FBXO38: variants seen among roughly 807,000 people sequenced by gnomAD.
FBXO38 encodes the protein F-box protein 38, also known as F-box only protein 38.
Under a neutral mutation model 131.9 loss-of-function variants are expected in FBXO38, and 53 were observed. The ratio of observed to expected loss-of-function variants is 0.40; its 90% CI spans 0.32 to 0.51. The LOEUF is 0.51. Among genes scored for constraint, FBXO38 ranks in the 20% least tolerant of loss-of-function variants. The probability of loss-of-function intolerance (pLI) is 0.53; values close to 1 mark genes in which losing one functional copy is unlikely to be tolerated. For synonymous variants in FBXO38, 452 were observed against 505.6 expected (o/e 0.89, Z 1.42); for missense variants, 1,076 against 1,475.6 (o/e 0.73, Z 4.44).
intron 20 of FBXO38, among the ~76,000 whole-genome samples, 154 bp downstream of exon 20, chr5:148,440,681 G>A (rs1403898021): frequency 6.6e-6 from 1 of 152,114 alleles, no homozygotes; most frequent in Non-Finnish European, 1.5e-5. Context: ...CTCATTCACG[G>A]ATGAATGAAT....
In FBXO38 at chr5:148,425,432, T is replaced by G. The variant is rs1753657293; in HGVS notation, c.1739-90T>G. ...AGGCTGTATAGAGCCACAAAGCATCTCTGTTGATTCCAGATCCCTGGAAAC... is the reference window on the plus strand; with the variant it reads ...AGGCTGTATAGAGCCACAAAGCATCGCTGTTGATTCCAGATCCCTGGAAAC... On this transcript the variant is annotated intron_variant, in intron 13 of 21. Coordinates refer to ENST00000340253, the MANE Select transcript of FBXO38 (RefSeq NM_205836.3). 4 of 998,860 alleles carry G rather than the reference T, an allele frequency of 4.0e-6. No homozygotes were observed. The East Asian group carries it at 7.2e-5, about 18-fold the overall frequency. The allele number at this position is 998,860 out of a possible 1,614,324, so 61.9% of individuals were successfully genotyped here.
At chr5:148,410,408 G>T in intron 8 of FBXO38, 1 of 521,412 alleles carries the variant, frequency 1.9e-6, no homozygotes, top group Middle Eastern at 5.0e-4. Flanking sequence ...AATGTGACTT[G>T]CTGCCATCAG....
chr5:148,427,935 G>A lies in FBXO38; in HGVS notation c.2641G>A (p.Val881Ile), dbSNP rs1364280246. The change falls in exon 15 of 22, where the codon GTA (valine) becomes ATA (isoleucine). Residue 881 changes from valine (V) to isoleucine (I), a missense_variant. Physicochemically the swap from Val to Ile is conservative, Grantham distance 29 (BLOSUM62 3). Around this residue, in one of 8 missense-constraint regions of FBXO38, gnomAD observed 282 missense variants for 418.8 expected, o/e 0.67. Transcript: ENST00000340253. ...ARSRLSHVLL[V>I]SESEVAKTKP... The stretch of plus-strand genomic sequence containing the variant: ...GAGCAGACTGTCCCATGTACTGCTG[G>A]TATCTGAGTCAGGTATGACAATGCT... The A allele has an allele frequency of 2.0e-6, 3 of 1,512,362 alleles. No individual in the cohort carries two copies. The African/African-American group carries it at 4.2e-5, about 21-fold the overall frequency. 93.7% of individuals were successfully genotyped at this position (1,512,362 alleles called of 1,614,324 possible).
At chr5:148,420,114 G>T (rs1303656369) in intron 12 of FBXO38, among the ~76,000 whole-genome samples, 1 of 148,926 alleles carries the variant, frequency 6.7e-6, no homozygotes, top group Non-Finnish European at 1.5e-5. Flanking sequence ...AATGATTACA[G>T]TTTTTTTGTG....
chr5:148,394,994 A>G, intron 2 of FBXO38, 90 bp downstream of exon 2: 1 of 1,215,332 alleles, frequency 8.2e-7, no homozygotes, highest in Non-Finnish European at 1.1e-6. Flanking sequence ...TACCAGCTAC[A>G]TGCAGCATTT....
intron 12 of FBXO38, among the ~76,000 whole-genome samples, chr5:148,418,011 G>A (rs1012641502): frequency 3.9e-5 from 6 of 152,104 alleles, no homozygotes; most frequent in Non-Finnish European, 8.8e-5. Flanking sequence ...TCCTTTAGGG[G>A]CACTCTGAGT....
In FBXO38 at chr5:148,439,700, C is replaced by A; in HGVS notation, c.3078C>A (p.His1026Gln). Residue 1026 changes from histidine to glutamine, a missense_variant, in exon 19 of 22, where the codon CAC (histidine) becomes CAA (glutamine). Physicochemically the swap from His to Gln is conservative, Grantham distance 24 (BLOSUM62 0). Around this residue, in one of 8 missense-constraint regions of FBXO38, gnomAD observed 282 missense variants for 418.8 expected, o/e 0.67. Coordinates refer to ENST00000340253, the MANE Select transcript of FBXO38 (RefSeq NM_205836.3). ...QKLFSGPYPY[H>Q]ICIIHEFSNP... Reference sequence around the variant, plus strand: ...TATTTAGTGGTCCCTACCCCTATCACATCTGTATTATCCATGAATTCAGTA... The same window carrying A: ...TATTTAGTGGTCCCTACCCCTATCAAATCTGTATTATCCATGAATTCAGTA... The A allele has an allele frequency of 2.5e-6, 4 of 1,614,044 alleles. No individual in the cohort carries two copies. Among genetic ancestry groups the A allele is most frequent in the Non-Finnish European group, 3.4e-6 (4 of 1,179,924 alleles).
rs1407992248 is a variant in FBXO38, at chr5:148,427,273, C to T, written c.1979C>T (p.Ser660Leu). 1 of 1,614,110 alleles carries T rather than the reference C, an allele frequency of 6.2e-7. No individual in the cohort carries two copies. Among genetic ancestry groups the T allele is most frequent in the East Asian group, 2.2e-5 (1 of 44,876 alleles). ...TACAACTCCCATCAGATGGGCCAGT[C>T]GAAGCAGTTTCCCCTCGAGGAAAGC... ...KRYNSHQMGQ[S>L]KQFPLEESSC... Residue 660 changes from serine (S) to leucine (L), a missense_variant, in exon 15 of 22, where the codon TCG (serine) becomes TTG (leucine). Around this residue, in one of 8 missense-constraint regions of FBXO38, gnomAD observed 212 missense variants for 221.2 expected, o/e 0.96. Transcript: ENST00000340253.
chr5:148,433,045 G>A (rs1270659634), intron 15 of FBXO38, among the ~76,000 whole-genome samples: 2 of 152,200 alleles, frequency 1.3e-5, no homozygotes, highest in Non-Finnish European at 2.9e-5. Context: ...AGCTCCAAAT[G>A]TGAAGCATTG....
chr5:148,386,349 G>A (rs1249307172), intron 1 of FBXO38, among the ~76,000 whole-genome samples: 6 of 152,150 alleles, frequency 3.9e-5, no homozygotes, highest in Non-Finnish European at 5.9e-5. Flanking sequence ...TCTTGGGCAA[G>A]TGATTTGTCA....
chr5:148,440,726 T>C (rs750580301), intron 20 of FBXO38, among the ~76,000 whole-genome samples, 199 bp downstream of exon 20: 2 of 152,132 alleles, frequency 1.3e-5, no homozygotes, highest in Non-Finnish European at 2.9e-5. Context: ...TGGTTTGGGC[T>C]TACAGCAAGC....
chr5:148,428,800 T>A (rs1753869103), intron 15 of FBXO38, among the ~76,000 whole-genome samples: 2 of 152,130 alleles, frequency 1.3e-5, no homozygotes, highest in Middle Eastern at 3.2e-3. Context: ...TAAGCTTTCA[T>A]GAGATACATT....
chr5:148,430,429 G>A (rs1753977803), intron 15 of FBXO38: 1 of 151,666 alleles, frequency 6.6e-6, no homozygotes, highest in South Asian at 2.1e-4. Context: ...CTCCCGGGTT[G>A]ACACCATTCT....
chr5:148,408,460 A>T (rs1000334829), intron 7 of FBXO38, among the ~76,000 whole-genome samples: 1 of 152,256 alleles, frequency 6.6e-6, no homozygotes, highest in East Asian at 1.9e-4. Flanking sequence ...TCATCCCAAA[A>T]TGGAAAGATG....
chr5:148,404,462 C>T (rs1037900329), intron 5 of FBXO38, among the ~76,000 whole-genome samples: 1 of 152,122 alleles, frequency 6.6e-6, no homozygotes, highest in African/African-American at 2.4e-5. Context: ...TTCCCATTGG[C>T]CTTTCCTAAA....
chr5:148,427,191 G>A (rs560941376), intron 14 of FBXO38, 22 bp from the exon 15 acceptor site: 47 of 1,552,770 alleles, frequency 3.0e-5, no homozygotes, highest in African/African-American at 8.3e-5. Flanking sequence ...TCCTCGGGCC[G>A]TTCTTCTTTT....
chr5:148,429,029 C>G (rs1468669900), intron 15 of FBXO38, among the ~76,000 whole-genome samples: 1 of 152,090 alleles, frequency 6.6e-6, no homozygotes, highest in East Asian at 1.9e-4. Context: ...TTCAGTGGCA[C>G]TAAATACATT....
At chr5:148,414,095 G>A in intron 9 of FBXO38, 41 bp from the exon 10 acceptor site, 1 of 1,555,652 alleles carries the variant, frequency 6.4e-7, no homozygotes, top group East Asian at 2.2e-5. Flanking sequence ...TAACACTTAA[G>A]AATTTGACTT....
intron 3 of FBXO38, among the ~76,000 whole-genome samples, chr5:148,400,052 C>A (rs930991521): frequency 5.9e-5 from 9 of 152,012 alleles, no homozygotes; most frequent in African/African-American, 2.2e-4. Flanking sequence ...TGCATCCTTT[C>A]AAGAGAGTCA....
Sources: allele counts gnomAD v4.1 joint callset (sites outside exome capture counted in the v4.1 genomes callset), GRCh38; gene constraint gnomAD v4.1.1; regional missense constraint gnomAD v4.1.1; transcripts MANE v1.5; gene names NCBI Gene and HGNC (gene_info 2026-07-23, HGNC 2026-07-21).